ANKRD20A1: variants seen among roughly 807,000 people sequenced by gnomAD.
ANKRD20A1 encodes the protein ankyrin repeat domain 20 family member A1.
Under a neutral mutation model 50.9 loss-of-function variants are expected in ANKRD20A1, and 2 were observed. The ratio of observed to expected loss-of-function variants is 0.04; its 90% CI spans 0.02 to 0.12. The LOEUF (loss-of-function observed/expected upper bound fraction) is 0.12. Ranked by LOEUF, ANKRD20A1 falls within the 10% of genes least tolerant of loss-of-function variation. The pLI is 1.00. For missense variants in ANKRD20A1, 31 were observed against 548.1 expected, an observed-to-expected ratio of 0.06 and a Z score of 9.42; for synonymous variants, 10 against 186.2, an observed-to-expected ratio of 0.05 and a Z score of 7.70.
chr9:67,872,660 G>T (rs1394146139), intron 6 of ANKRD20A1, among the ~76,000 whole-genome samples: 1 of 138,444 alleles, frequency 7.2e-6, no homozygotes, highest in Admixed American at 7.0e-5. Context: ...CAATTTACTT[G>T]AATGATGCAC....
intron 9 of ANKRD20A1, among the ~76,000 whole-genome samples, chr9:67,884,980 A>G: frequency 1.4e-5 from 1 of 71,436 alleles, no homozygotes; most frequent in Non-Finnish European, 3.9e-5. Context: ...AAGGTGTCCT[A>G]TTAACTGTAT....
rs1347171020 is a variant in ANKRD20A1, at chr9:67,864,761, G to A, written c.492+1370G>A. On this transcript the variant is annotated intron_variant, in intron 3 of 14. Transcript: ENST00000562196. ...AGATAAGTGCAATATATAAATTTCT[G>A]TATCTCAAAAATGTAAGAAATCTCT... Among the ~76,000 whole-genome samples, 2 of 47,282 alleles carry A rather than the reference G, an allele frequency of 4.2e-5. 1 individual carries two copies. The highest frequency in any genetic ancestry group is 8.4e-5 in the Non-Finnish European group (2 of 23,720). 31.0% of individuals were successfully genotyped at this position (47,282 alleles called of 152,430 possible).
chr9:67,882,279 C>A (rs1201340234), intron 8 of ANKRD20A1, among the ~76,000 whole-genome samples: 1 of 151,412 alleles, frequency 6.6e-6, no homozygotes, highest in Non-Finnish European at 1.5e-5. Context: ...AGATATTCAG[C>A]CTTAATAATG....
At chr9:67,868,093 C>T (rs367556564) in intron 4 of ANKRD20A1, among the ~76,000 whole-genome samples, 223 of 117,802 alleles carry the variant, frequency 1.9e-3, no homozygotes, top group African/African-American at 5.5e-3. Flanking sequence ...AGGAAAGCAA[C>T]GGGGAAATCT....
intron 3 of ANKRD20A1, among the ~76,000 whole-genome samples, chr9:67,866,092 G>A (rs1827565559): frequency 6.7e-6 from 1 of 150,146 alleles, no homozygotes; most frequent in Admixed American, 6.7e-5. Context: ...CCTTAAGGAT[G>A]CAAGTGACTT....
chr9:67,865,969 A>G lies in ANKRD20A1; in HGVS notation c.493-1308A>G, dbSNP rs1416954595. ...TTTAACTCTTTTCTTTATATATACCACAAATAATTCTCTGCCCATAAGAAT... is the reference window on the plus strand; with the variant it reads ...TTTAACTCTTTTCTTTATATATACCGCAAATAATTCTCTGCCCATAAGAAT... On this transcript the variant is annotated intron_variant, in intron 3 of 14. Transcript: ENST00000562196. Among the ~76,000 whole-genome samples, 4 of 150,648 alleles carry G rather than the reference A, an allele frequency of 2.7e-5. No individual in the cohort carries two copies. In the Admixed American group the frequency reaches 2.7e-4, roughly 10 times the overall value.
intron 3 of ANKRD20A1, among the ~76,000 whole-genome samples, chr9:67,865,169 G>A: frequency 6.6e-6 from 1 of 151,682 alleles, no homozygotes; most frequent in Middle Eastern, 3.4e-3. Flanking sequence ...AACTATCTCA[G>A]TATGTTTGTT....
At chr9:67,876,629 GAGT>G (rs1827731851) in intron 6 of ANKRD20A1, among the ~76,000 whole-genome samples, 1 of 120,710 alleles carries the variant, frequency 8.3e-6, no homozygotes, top group Non-Finnish European at 1.8e-5. Context: ...CTTCCCCAAA[GAGT>G]AGTAGCCAGA....
intron 6 of ANKRD20A1, among the ~76,000 whole-genome samples, chr9:67,872,672 A>G (rs1325621901): frequency 1.5e-5 from 2 of 137,436 alleles, no homozygotes; most frequent in African/African-American, 2.7e-5. Flanking sequence ...ATGATGCACA[A>G]TTAATCAATT....
chr9:67,867,768 C>T (rs2131550183), intron 4 of ANKRD20A1, among the ~76,000 whole-genome samples: 1 of 101,930 alleles, frequency 9.8e-6, no homozygotes, highest in South Asian at 3.1e-4. Flanking sequence ...AAGCGATTCT[C>T]CTGCCTCGGC....
At chr9:67,884,298 G>A (rs1827838659) in intron 8 of ANKRD20A1, among the ~76,000 whole-genome samples, 188 bp from the exon 9 acceptor site, 1 of 149,794 alleles carries the variant, frequency 6.7e-6, no homozygotes, top group Non-Finnish European at 1.5e-5. Context: ...CAGCTATTCA[G>A]GAAGTTGAGG....
chr9:67,871,472 T>A (rs1343131958), intron 6 of ANKRD20A1, among the ~76,000 whole-genome samples: 5 of 138,148 alleles, frequency 3.6e-5, no homozygotes, highest in African/African-American at 1.4e-4. Context: ...CTGAAAACAT[T>A]CATTTATTAA....
intron 9 of ANKRD20A1, among the ~76,000 whole-genome samples, chr9:67,885,515 G>A (rs1234433244): frequency 3.9e-5 from 6 of 152,298 alleles, no homozygotes; most frequent in African/African-American, 1.4e-4. Context: ...TATCATATAG[G>A]CCAAATTAAC....
intron 11 of ANKRD20A1, among the ~76,000 whole-genome samples, chr9:67,890,666 G>A (rs369358134): frequency 1.1e-4 from 16 of 149,186 alleles, no homozygotes; most frequent in African/African-American, 3.0e-4. Flanking sequence ...TAACACAGGA[G>A]CATCAAATTT....
At chr9:67,881,541 T>C (rs1827795991) in intron 8 of ANKRD20A1, among the ~76,000 whole-genome samples, 1 of 151,936 alleles carries the variant, frequency 6.6e-6, no homozygotes, top group Admixed American at 6.6e-5. Context: ...CCGAGGTCGG[T>C]AGATCACCTG....
chr9:67,882,250 G>A (rs1379113988), intron 8 of ANKRD20A1, among the ~76,000 whole-genome samples: 1 of 151,392 alleles, frequency 6.6e-6, no homozygotes, highest in Non-Finnish European at 1.5e-5. Context: ...GCCTCTCAAA[G>A]TGCTGGGTTA....
At chr9:67,882,353 A>G (rs1339748170) in intron 8 of ANKRD20A1, among the ~76,000 whole-genome samples, 2 of 149,892 alleles carry the variant, frequency 1.3e-5, no homozygotes, top group East Asian at 2.1e-4. Context: ...AATATAATAA[A>G]CCTAATGTAG....
At chr9:67,860,971 C>T (rs1400080064) in intron 1 of ANKRD20A1, among the ~76,000 whole-genome samples, 1 of 47,494 alleles carries the variant, frequency 2.1e-5, no homozygotes, top group Non-Finnish European at 4.2e-5. Context: ...TTAAATTATA[C>T]ATACACAAAC....
At chr9:67,888,960 G>A (rs1212844345) in intron 11 of ANKRD20A1, among the ~76,000 whole-genome samples, 1 of 146,978 alleles carries the variant, frequency 6.8e-6, no homozygotes, top group Non-Finnish European at 1.5e-5. Context: ...ACAATTAGGT[G>A]TTTTGTTTGT....
Sources: allele counts gnomAD v4.1 joint callset (sites outside exome capture counted in the v4.1 genomes callset), GRCh38; gene constraint gnomAD v4.1.1; transcripts MANE v1.5; gene names NCBI Gene and HGNC (gene_info 2026-07-23, HGNC 2026-07-21).